The following SRRM4 variants were observed in gnomAD, a reference collection of about 807,000 sequenced individuals.
SRRM4 encodes serine/arginine repetitive matrix protein 4.
SRRM4 carries 33 observed loss-of-function variants against 68.9 expected under a neutral mutation model. That is an observed-to-expected ratio of 0.48 (90% CI 0.36 to 0.64). The LOEUF is 0.64. SRRM4 is among the 30% of genes least tolerant of loss of function. The pLI is 0.00. For missense variants in SRRM4, 817 were observed against 827.1 expected, an observed-to-expected ratio of 0.99 and a Z score of 0.15; for synonymous variants, 318 against 318.8, an observed-to-expected ratio of 1.00 and a Z score of 0.03.
At chr12:118,995,034 G>A (rs944050265) in intron 1 of SRRM4, among the ~76,000 whole-genome samples, 17 of 152,140 alleles carry the variant, frequency 1.1e-4, no homozygotes, top group African/African-American at 3.9e-4. Flanking sequence ...TACCCCTAGA[G>A]TTCACTTCTC....
At chr12:119,082,216 G>A (rs908567738) in intron 1 of SRRM4, among the ~76,000 whole-genome samples, 2 of 152,136 alleles carry the variant, frequency 1.3e-5, no homozygotes, top group African/African-American at 4.8e-5. Context: ...CTTTGAACAA[G>A]AGCCAAGACC....
chr12:118,993,386 G>A (rs1047305061), intron 1 of SRRM4, among the ~76,000 whole-genome samples: 4 of 152,176 alleles, frequency 2.6e-5, no homozygotes, highest in Non-Finnish European at 5.9e-5. Context: ...TGTATATACT[G>A]TATCTTTTTC....
At position 119,130,964 on chromosome 12, in the gene SRRM4, C is replaced by A. The variant is rs1592910663; in HGVS notation, c.771+130C>A. 6.0e-6 allele frequency: 6 copies of A among 996,908 alleles called. No individual in the cohort carries two copies. In the East Asian group the frequency reaches 1.5e-4, roughly 24 times the overall value. 61.8% of individuals were successfully genotyped at this position (996,908 alleles called of 1,614,324 possible). A position where few individuals can be genotyped will look rare whatever the true frequency, so the allele number is the denominator to read the frequency against. ...GACAAAATATCCCACTGGCTCCAGA[C>A]CTCATTAATGATGAACCAAATGATC... On this transcript the variant is annotated intron_variant, in intron 8 of 12. Coordinates refer to ENST00000267260, the MANE Select transcript of SRRM4 (RefSeq NM_194286.4).
intron 1 of SRRM4, among the ~76,000 whole-genome samples, chr12:119,069,097 T>C (rs1372313364): frequency 2.0e-4 from 31 of 151,952 alleles, no homozygotes; most frequent in Non-Finnish European, 1.5e-5. Flanking sequence ...TAGGGAGATA[T>C]CCTTGAAGGA....
intron 4 of SRRM4, among the ~76,000 whole-genome samples, chr12:119,120,046 C>T (rs964178092): frequency 6.9e-6 from 1 of 144,692 alleles, no homozygotes; most frequent in Non-Finnish European, 1.5e-5. Context: ...CATGCTGATA[C>T]CTTCATACCA....
At chr12:118,986,018 C>A (rs1953280001) in intron 1 of SRRM4, among the ~76,000 whole-genome samples, 1 of 152,138 alleles carries the variant, frequency 6.6e-6, no homozygotes, top group African/African-American at 2.4e-5. Flanking sequence ...GCAGAATAGA[C>A]CAGAAGTAGA....
At chr12:119,091,959 C>T (rs1954016868) in intron 1 of SRRM4, among the ~76,000 whole-genome samples, 1 of 152,148 alleles carries the variant, frequency 6.6e-6, no homozygotes, top group Admixed American at 6.5e-5. Flanking sequence ...AAACAACCCT[C>T]CTCAGGAGTA....
chr12:119,115,588 A>G (rs1309871939), intron 3 of SRRM4, among the ~76,000 whole-genome samples: 1 of 152,228 alleles, frequency 6.6e-6, no homozygotes, highest in Non-Finnish European at 1.5e-5. Flanking sequence ...GGACAGGCTC[A>G]AAGAGGAGCC....
intron 1 of SRRM4, among the ~76,000 whole-genome samples, chr12:119,016,885 C>T (rs1258589555): frequency 6.6e-6 from 1 of 152,188 alleles, no homozygotes; most frequent in Non-Finnish European, 1.5e-5. Context: ...GGCTGTGCAA[C>T]CTTAGACCAG....
chr12:119,091,768 C>T (rs1954015815), intron 1 of SRRM4, among the ~76,000 whole-genome samples: 1 of 152,170 alleles, frequency 6.6e-6, no homozygotes, highest in African/African-American at 2.4e-5. Context: ...GTTAGTAACT[C>T]TGTCCCCTCT....
At chr12:119,119,050 A>ATTTTTTT (rs34814921) in intron 4 of SRRM4, among the ~76,000 whole-genome samples, 1 of 135,760 alleles carries the variant, frequency 7.4e-6, no homozygotes, top group African/African-American at 2.8e-5. Context: ...AAGCACTGAG[A>ATTTTTTT]TTTTTTTTTT....
chr12:119,060,970 C>T (rs1248087075), intron 1 of SRRM4, among the ~76,000 whole-genome samples: 1 of 152,200 alleles, frequency 6.6e-6, no homozygotes, highest in Non-Finnish European at 1.5e-5. Context: ...TTCCCCACCT[C>T]CTCCTGTAGG....
At chr12:119,102,688 C>T (rs1233235732) in intron 2 of SRRM4, among the ~76,000 whole-genome samples, 1 of 152,214 alleles carries the variant, frequency 6.6e-6, no homozygotes, top group East Asian at 1.9e-4. Flanking sequence ...AATTGGCCCA[C>T]TGGCTGTAGT....
At chr12:119,051,717 GT>G (rs1021046603) in intron 1 of SRRM4, among the ~76,000 whole-genome samples, 2 of 151,902 alleles carry the variant, frequency 1.3e-5, no homozygotes, top group African/African-American at 2.4e-5. Flanking sequence ...ACAAAGTCTG[GT>G]TTTTTTTGTT....
intron 1 of SRRM4, among the ~76,000 whole-genome samples, chr12:119,069,290 C>G (rs975399375): frequency 6.6e-6 from 1 of 152,166 alleles, no homozygotes; most frequent in African/African-American, 2.4e-5. Flanking sequence ...CTGGAGTCCA[C>G]CCCTCCTTCA....
chr12:119,049,045 T>G (rs1396105974), intron 1 of SRRM4, among the ~76,000 whole-genome samples: 1 of 152,196 alleles, frequency 6.6e-6, no homozygotes, highest in Non-Finnish European at 1.5e-5. Flanking sequence ...GATGTAGCAA[T>G]AAATACAGGA....
chr12:119,109,181 C>A (rs563982115), intron 2 of SRRM4, among the ~76,000 whole-genome samples: 1 of 152,028 alleles, frequency 6.6e-6, no homozygotes, highest in African/African-American at 2.4e-5. Context: ...GAGTTTCTGC[C>A]GAGAGATCAG....
chr12:119,134,053 A>G (rs74598226), intron 8 of SRRM4, among the ~76,000 whole-genome samples: 1,834 of 152,274 alleles, frequency 0.012, 43 homozygotes, highest in East Asian at 0.076. Flanking sequence ...ATTCCATGGC[A>G]AGATATGGGC....
At chr12:119,047,433 C>G (rs1042701394) in intron 1 of SRRM4, among the ~76,000 whole-genome samples, 2 of 152,154 alleles carry the variant, frequency 1.3e-5, no homozygotes, top group Admixed American at 6.5e-5. Context: ...GCACCCATCA[C>G]TGGAGCAGTG....
Sources: allele counts gnomAD v4.1 joint callset (sites outside exome capture counted in the v4.1 genomes callset), GRCh38; gene constraint gnomAD v4.1.1; transcripts MANE v1.5; gene names NCBI Gene and HGNC (gene_info 2026-07-23, HGNC 2026-07-21).